Variants in NUP54 observed in about 807,000 individuals in gnomAD.
NUP54 encodes nucleoporin p54.
Under a neutral mutation model 66.4 loss-of-function variants are expected in NUP54, and 27 were observed. The ratio of observed to expected loss-of-function variants is 0.41; its 90% CI spans 0.30 to 0.56. The LOEUF is 0.56. Among genes scored for constraint, NUP54 ranks in the 20% least tolerant of loss-of-function variants. The pLI is 0.34. For missense variants in NUP54, 486 were observed against 596.3 expected (o/e 0.82, Z 1.93); for synonymous variants, 206 against 210.7 (o/e 0.98, Z 0.19).
In NUP54 at chr4:76,144,618, T is replaced by C. The variant is rs555215498; in HGVS notation, c.68-145A>G. On this transcript the variant is annotated intron_variant, in intron 1 of 11. Transcript: ENST00000264883. ...CCTTTCCCTACTTTCAAGATCAATT[T>C]TTTAAAAAACTATACTACCAATCAA... 35 of 618,190 alleles carry C rather than the reference T, an allele frequency of 5.7e-5. No individual in the cohort carries two copies. In the African/African-American group the frequency reaches 6.0e-4, roughly 11 times the overall value. The allele number at this position is 618,190 out of a possible 1,614,324, so 38.3% of individuals were successfully genotyped here. A position where few individuals can be genotyped will look rare whatever the true frequency, so the allele number is the denominator to read the frequency against.
intron 1 of NUP54, 52 bp from the exon 2 acceptor site, chr4:76,144,525 G>A: frequency 7.7e-7 from 1 of 1,292,806 alleles, no homozygotes; most frequent in Non-Finnish European, 1.1e-6. Context: ...TATATATAAA[G>A]GCAACTTCTT....
intron 3 of NUP54, among the ~76,000 whole-genome samples, chr4:76,137,206 A>G (rs1224611933): frequency 1.3e-5 from 2 of 151,960 alleles, no homozygotes; most frequent in African/African-American, 4.8e-5. Flanking sequence ...TATGTTTCCC[A>G]TGCTGGTCTC....
intron 9 of NUP54, among the ~76,000 whole-genome samples, chr4:76,123,191 G>A (rs558785760): frequency 6.6e-6 from 1 of 152,190 alleles, no homozygotes; most frequent in Non-Finnish European, 1.5e-5. Context: ...CACTTTAAAT[G>A]AGTAAATAGT....
intron 4 of NUP54, among the ~76,000 whole-genome samples, 180 bp from the exon 5 acceptor site, chr4:76,134,542 C>A (rs1040123127): frequency 5.3e-4 from 81 of 152,182 alleles, no homozygotes; most frequent in African/African-American, 1.9e-3. Context: ...TAAAGAAAAA[C>A]TATTTTACCC....
intron 3 of NUP54, among the ~76,000 whole-genome samples, chr4:76,141,520 G>C (rs1233717913): frequency 6.6e-6 from 1 of 152,066 alleles, no homozygotes; most frequent in African/African-American, 2.4e-5. Context: ...AGAAGCCCAA[G>C]ATACCTTTAT....
chr4:76,119,712 G>A (rs1490061930), intron 9 of NUP54, among the ~76,000 whole-genome samples: 2 of 151,910 alleles, frequency 1.3e-5, no homozygotes, highest in Middle Eastern at 3.2e-3. Flanking sequence ...AATGCATCGG[G>A]GGAAAGGGTC....
intron 8 of NUP54, among the ~76,000 whole-genome samples, chr4:76,125,786 GGAGAGAGGGA>G (rs1560679491): frequency 9.5e-5 from 4 of 42,058 alleles, no homozygotes; most frequent in African/African-American, 1.0e-4. Context: ...GGAGAGAGGG[GGAGAGAGGGA>G]GAGGGAGAGA....
At position 76,121,241 on chromosome 4, in the gene NUP54, A is replaced by G. The variant is rs575378718; in HGVS notation, c.1165-3047T>C. ...AAATACCACCTTTCTCATATATTAA[A>G]TTTTCAGCACACTTGCATCTATTTG... On this transcript the variant is annotated intron_variant, in intron 9 of 11. Transcript: ENST00000264883. Among the ~76,000 whole-genome samples, 40 of 152,250 alleles carry G rather than the reference A, an allele frequency of 2.6e-4. 2 individuals are homozygous for G. In the South Asian group the frequency reaches 8.3e-3, roughly 32 times the overall value.
At chr4:76,137,096 AC>A (rs985596828) in intron 3 of NUP54, among the ~76,000 whole-genome samples, 1 of 151,948 alleles carries the variant, frequency 6.6e-6, no homozygotes, top group Non-Finnish European at 1.5e-5. Context: ...CTCAAGCAAT[AC>A]CCCTGCTTCA....
chr4:76,115,579 C>T, intron 11 of NUP54, 85 bp from the exon 12 acceptor site: 2 of 1,053,252 alleles, frequency 1.9e-6, no homozygotes, highest in Non-Finnish European at 2.7e-6. Context: ...TCCACTTTGA[C>T]TATTTTACTA....
intron 4 of NUP54, among the ~76,000 whole-genome samples, chr4:76,135,688 A>T (rs998678975): frequency 2.0e-5 from 3 of 152,248 alleles, no homozygotes; most frequent in Non-Finnish European, 4.4e-5. Flanking sequence ...TACCAAATGG[A>T]CCTAAATACT....
intron 3 of NUP54, among the ~76,000 whole-genome samples, chr4:76,139,402 T>C (rs1731169741): frequency 6.7e-6 from 1 of 149,376 alleles, no homozygotes; most frequent in African/African-American, 2.6e-5. Flanking sequence ...TAAAGCAAAC[T>C]TTATTTACCA....
chr4:76,117,908 C>T (rs1730024031), intron 10 of NUP54, 134 bp from the exon 11 acceptor site: 1 of 978,210 alleles, frequency 1.0e-6, no homozygotes, highest in Non-Finnish European at 1.6e-6. Flanking sequence ...ATATTCGAAA[C>T]ACTAATACTA....
At chr4:76,147,804 G>T in intron 1 of NUP54, 1 of 404,298 alleles carries the variant, frequency 2.5e-6, no homozygotes, top group Non-Finnish European at 4.4e-6. Flanking sequence ...GGTGGGGTGG[G>T]GCAGATGGAA....
chr4:76,117,134 T>C (rs1729984179), intron 11 of NUP54, among the ~76,000 whole-genome samples: 1 of 152,206 alleles, frequency 6.6e-6, no homozygotes, highest in African/African-American at 2.4e-5. Context: ...TCTCTATTAA[T>C]TGGACTACTA....
intron 8 of NUP54, among the ~76,000 whole-genome samples, chr4:76,129,518 A>G (rs578172385): frequency 6.6e-6 from 1 of 152,140 alleles, no homozygotes; most frequent in African/African-American, 2.4e-5. Flanking sequence ...AGAAAACTTC[A>G]CCCAAGGACT....
intron 8 of NUP54, among the ~76,000 whole-genome samples, chr4:76,127,840 T>C (rs918264039): frequency 6.6e-6 from 1 of 152,120 alleles, no homozygotes; most frequent in Admixed American, 6.5e-5. Context: ...TGGCCAAAGA[T>C]ATGAATGATT....
intron 5 of NUP54, 65 bp downstream of exon 5, chr4:76,134,110 T>C (rs1038621800): frequency 1.0e-5 from 12 of 1,167,598 alleles, no homozygotes; most frequent in Non-Finnish European, 1.4e-5. Context: ...AAAAACATTA[T>C]TGATCACTCC....
chr4:76,142,259 A>G lies in NUP54; in HGVS notation c.295+1890T>C, dbSNP rs59437260. ...ATTTCATCAAATTTTGTATTTTTGC[A>G]GGATTGTAGAAAAGACGAATGACTG... On this transcript the variant is annotated intron_variant, in intron 3 of 11. Transcript: ENST00000264883. Among the ~76,000 whole-genome samples, 851 of 152,284 alleles carry G rather than the reference A, an allele frequency of 5.6e-3. 5 individuals are homozygous for G. The highest frequency in any genetic ancestry group is 0.02 in the African/African-American group (815 of 41,534).
Sources: gnomAD v4.1 joint callset for allele counts (sites outside exome capture counted in the v4.1 genomes callset) on GRCh38, gnomAD v4.1.1 for gene constraint, MANE v1.5 for transcripts, NCBI Gene and HGNC (gene_info 2026-07-23, HGNC 2026-07-21) for gene names.